GRM8: variants seen among roughly 807,000 people sequenced by gnomAD.
GRM8 encodes the protein metabotropic glutamate receptor 8.
In GRM8, 47 loss-of-function variants were observed where a neutral mutation model predicts 87.2. The ratio of observed to expected loss-of-function variants is 0.54; its 90% CI spans 0.43 to 0.69. GRM8 has a LOEUF of 0.69. GRM8 is among the 30% of genes least tolerant of loss of function. GRM8 has a pLI of 0.00. For synonymous variants in GRM8, 396 were observed against 404.5 expected, an observed-to-expected ratio of 0.98 and a Z score of 0.25; for missense variants, 1,019 against 1,139.2, an observed-to-expected ratio of 0.89 and a Z score of 1.52.
chr7:127,185,418 T>C (rs531075834), intron 2 of GRM8, among the ~76,000 whole-genome samples: 30 of 151,868 alleles, frequency 2.0e-4, no homozygotes, highest in African/African-American at 5.3e-4. Context: ...TATGCAAAAA[T>C]AAGAAAAATA....
intron 6 of GRM8, among the ~76,000 whole-genome samples, chr7:126,885,644 C>A (rs1476730511): frequency 6.6e-6 from 1 of 152,124 alleles, no homozygotes; most frequent in Admixed American, 6.6e-5. Flanking sequence ...ACCTAAGGAA[C>A]AGAAAGTGAA....
At chr7:127,139,467 C>T (rs1220585390) in intron 2 of GRM8, among the ~76,000 whole-genome samples, 2 of 152,060 alleles carry the variant, frequency 1.3e-5, no homozygotes, top group Admixed American at 6.6e-5. Context: ...GAGCAAACTG[C>T]CTCATAATCA....
chr7:126,773,981 C>A (rs1005851202), intron 6 of GRM8, among the ~76,000 whole-genome samples: 7 of 152,090 alleles, frequency 4.6e-5, no homozygotes, highest in African/African-American at 1.7e-4. Flanking sequence ...ATTATTTTGA[C>A]TGTTGATTAA....
intron 7 of GRM8, among the ~76,000 whole-genome samples, chr7:126,631,307 T>C (rs887297078): frequency 6.6e-6 from 1 of 151,850 alleles, no homozygotes; most frequent in Non-Finnish European, 1.5e-5. Flanking sequence ...ATAAAACACC[T>C]AGGAATATAG....
chr7:126,753,016 C>T (rs1197354577), intron 7 of GRM8, among the ~76,000 whole-genome samples: 1 of 152,096 alleles, frequency 6.6e-6, no homozygotes, highest in African/African-American at 2.4e-5. Flanking sequence ...ACAGTAAGCA[C>T]TGATTAATAA....
At chr7:126,746,411 T>C (rs1472368469) in intron 7 of GRM8, among the ~76,000 whole-genome samples, 8 of 151,774 alleles carry the variant, frequency 5.3e-5, no homozygotes, top group Admixed American at 1.3e-4. Flanking sequence ...AAATGAAATT[T>C]TCTGATTCAG....
intron 7 of GRM8, among the ~76,000 whole-genome samples, chr7:126,691,198 T>G (rs929182568): frequency 1.3e-5 from 2 of 152,220 alleles, no homozygotes; most frequent in African/African-American, 2.4e-5. Context: ...TGCTGGTCAG[T>G]GCCCAAAGTC....
At chr7:126,642,646 A>T (rs1171125019) in intron 7 of GRM8, among the ~76,000 whole-genome samples, 1 of 143,086 alleles carries the variant, frequency 7.0e-6, no homozygotes, top group Non-Finnish European at 1.6e-5. Flanking sequence ...TCTAAAAAAA[A>T]TAATAATAAT....
intron 6 of GRM8, among the ~76,000 whole-genome samples, chr7:126,889,934 C>T (rs1474826046): frequency 1.3e-5 from 2 of 151,896 alleles, no homozygotes; most frequent in Non-Finnish European, 2.9e-5. Flanking sequence ...ATAGAAAATC[C>T]GATCCAAAAT....
At chr7:126,571,664 T>C (rs1794701969) in intron 8 of GRM8, among the ~76,000 whole-genome samples, 1 of 152,204 alleles carries the variant, frequency 6.6e-6, no homozygotes, top group Admixed American at 6.5e-5. Flanking sequence ...TGCCTTCCCC[T>C]TCAGATCAGA....
intron 9 of GRM8, among the ~76,000 whole-genome samples, chr7:126,463,083 A>G (rs1804070708): frequency 6.7e-6 from 1 of 149,688 alleles, no homozygotes; most frequent in Admixed American, 6.7e-5. Context: ...AAATGTCATA[A>G]AAGTGTTTTA....
At chr7:127,006,233 G>A (rs564421885) in intron 3 of GRM8, among the ~76,000 whole-genome samples, 15 of 151,964 alleles carry the variant, frequency 9.9e-5, no homozygotes, top group African/African-American at 1.4e-4. Context: ...TCTTCACAGC[G>A]CACTGAATTC....
intron 9 of GRM8, among the ~76,000 whole-genome samples, chr7:126,518,831 C>T (rs1399295570): frequency 2.0e-5 from 3 of 151,820 alleles, no homozygotes; most frequent in African/African-American, 4.8e-5. Context: ...TAGAATTAAA[C>T]AGACCCTTAG....
At chr7:127,229,802 G>A (rs1325921617) in intron 2 of GRM8, 2 of 152,122 alleles carry the variant, frequency 1.3e-5, no homozygotes, top group African/African-American at 4.8e-5. Context: ...AGACAGTGTA[G>A]GTATGATTAC....
chr7:126,617,349 G>A (rs141398250), intron 7 of GRM8, among the ~76,000 whole-genome samples: 1,824 of 152,168 alleles, frequency 0.012, 35 homozygotes, highest in African/African-American at 0.041. Flanking sequence ...AAAACTCTCA[G>A]TAAATTAGGT....
At chr7:126,961,976 C>T (rs1475913364) in intron 3 of GRM8, among the ~76,000 whole-genome samples, 1 of 151,902 alleles carries the variant, frequency 6.6e-6, no homozygotes, top group Non-Finnish European at 1.5e-5. Flanking sequence ...TTTGCTGTTG[C>T]CATGGGCTCC....
At chr7:126,565,679 G>GA (rs36013524) in intron 8 of GRM8, among the ~76,000 whole-genome samples, 29,687 of 151,854 alleles carry the variant, frequency 0.2, 3,444 homozygotes, top group East Asian at 0.31. Flanking sequence ...CATAGAAGTA[G>GA]AAAAAATCCT....
rs143124403 is a variant in GRM8 at position 126,673,984 on chromosome 7, T to C, written c.1358-64486A>G. Among the ~76,000 whole-genome samples the C allele has an allele frequency of 4.8e-3, 732 of 152,294 alleles. 10 individuals are homozygous for C. Among genetic ancestry groups the C allele is most frequent in the South Asian group, 0.042 (201 of 4,826 alleles). ...AACTTAAATATATCAATATAGACCT[T>C]TTCCTCAATTCTATTAACTGATTCA... On this transcript the variant is annotated intron_variant, in intron 7 of 10. Coordinates refer to ENST00000339582, the MANE Select transcript of GRM8 (RefSeq NM_000845.3).
rs1477663559 is a variant in GRM8, at chr7:126,915,601, C to T, written c.728-10918G>A. The stretch of plus-strand genomic sequence containing the variant: ...ATGAATGTCTGATATGTTGCCTCTT[C>T]TTACCTCTTCCTTTGAATTAGAAAT... On this transcript the variant is annotated intron_variant, in intron 3 of 10. Coordinates refer to ENST00000339582, the MANE Select transcript of GRM8 (RefSeq NM_000845.3). Among the ~76,000 whole-genome samples, 3 of 152,274 alleles carry T rather than the reference C, an allele frequency of 2.0e-5. No homozygotes were observed. In the East Asian group the frequency reaches 5.8e-4, roughly 29 times the overall value.
Sources: gnomAD v4.1 joint callset for allele counts (sites outside exome capture counted in the v4.1 genomes callset) on GRCh38, gnomAD v4.1.1 for gene constraint, MANE v1.5 for transcripts, NCBI Gene and HGNC (gene_info 2026-07-23, HGNC 2026-07-21) for gene names.